KCNQ3: variants seen among roughly 807,000 people sequenced by gnomAD.
KCNQ3 encodes potassium voltage-gated channel subfamily Q member 3, also known as potassium voltage-gated channel subfamily KQT member 3.
KCNQ3 carries 30 observed loss-of-function variants against 92.5 expected under a neutral mutation model. The observed-to-expected ratio is 0.32, with a 90% CI of 0.24 to 0.44. The LOEUF is 0.44. Ranked by LOEUF, KCNQ3 falls within the 20% of genes least tolerant of loss-of-function variation. The pLI is 1.00. For synonymous variants in KCNQ3, 450 were observed against 468.8 expected, an observed-to-expected ratio of 0.96 and a Z score of 0.52; for missense variants, 913 against 1,140.3, an observed-to-expected ratio of 0.80 and a Z score of 2.87.
At chr8:132,194,164 A>G (rs1046620160) in intron 1 of KCNQ3, among the ~76,000 whole-genome samples, 2 of 152,214 alleles carry the variant, frequency 1.3e-5, no homozygotes, top group African/African-American at 4.8e-5. Flanking sequence ...AGCGATGCAT[A>G]GAAACATTTT....
At chr8:132,423,585 T>G (rs1249349219) in intron 1 of KCNQ3, among the ~76,000 whole-genome samples, 2 of 152,160 alleles carry the variant, frequency 1.3e-5, no homozygotes, top group Non-Finnish European at 2.9e-5. Flanking sequence ...ACTAACAGCT[T>G]CTATCTCACA....
chr8:132,132,031 T>G lies in KCNQ3; in HGVS notation c.1884+149A>C, dbSNP rs985547655. 3 of 639,272 alleles carry G rather than the reference T, an allele frequency of 4.7e-6. No homozygotes were observed. In the Admixed American group the frequency reaches 7.5e-5, roughly 16 times the overall value. 39.6% of individuals were successfully genotyped at this position (639,272 alleles called of 1,614,324 possible). ...TGAACCTGGGAGGCAGAGGTTGCAG[T>G]GAGTCAAGATCGCGCCATTGCACTC... On this transcript the variant is annotated intron_variant, in intron 14 of 14. Coordinates refer to ENST00000388996, the MANE Select transcript of KCNQ3 (RefSeq NM_004519.4).
intron 1 of KCNQ3, among the ~76,000 whole-genome samples, chr8:132,333,105 G>T (rs1818274806): frequency 6.6e-6 from 1 of 152,180 alleles, no homozygotes; most frequent in African/African-American, 2.4e-5. Flanking sequence ...AGTAGACAGG[G>T]TTCCATTGGC....
chr8:132,278,437 T>A (rs745522395), intron 1 of KCNQ3, among the ~76,000 whole-genome samples: 2 of 152,226 alleles, frequency 1.3e-5, no homozygotes, highest in South Asian at 2.1e-4. Flanking sequence ...AGCAGCTTCC[T>A]ATGGGCTAGT....
At chr8:132,477,038 T>C (rs1012950134) in intron 1 of KCNQ3, among the ~76,000 whole-genome samples, 1 of 152,156 alleles carries the variant, frequency 6.6e-6, no homozygotes, top group Non-Finnish European at 1.5e-5. Flanking sequence ...CCCTTTGTTC[T>C]CTTTTTCCTG....
chr8:132,286,235 T>C (rs1484565168), intron 1 of KCNQ3, among the ~76,000 whole-genome samples: 1 of 152,166 alleles, frequency 6.6e-6, no homozygotes, highest in East Asian at 1.9e-4. Context: ...GACACCAGGA[T>C]GTAACTCTAC....
chr8:132,131,113 A>G (rs1824864165), intron 14 of KCNQ3, among the ~76,000 whole-genome samples: 1 of 152,212 alleles, frequency 6.6e-6, no homozygotes, highest in Admixed American at 6.5e-5. Context: ...TATTATCTCT[A>G]TTTCACAGGC....
intron 1 of KCNQ3, among the ~76,000 whole-genome samples, chr8:132,257,751 A>T (rs1263472307): frequency 1.3e-5 from 2 of 148,982 alleles, no homozygotes; most frequent in Non-Finnish European, 3.0e-5. Context: ...AGCTCAAAAA[A>T]AAAAAAAAAA....
At chr8:132,338,964 G>A (rs1046146094) in intron 1 of KCNQ3, among the ~76,000 whole-genome samples, 1 of 152,222 alleles carries the variant, frequency 6.6e-6, no homozygotes, top group African/African-American at 2.4e-5. Flanking sequence ...GGAGAAACCA[G>A]TGTTGAGAAT....
At chr8:132,434,164 C>T (rs1230188586) in intron 1 of KCNQ3, among the ~76,000 whole-genome samples, 3 of 147,670 alleles carry the variant, frequency 2.0e-5, no homozygotes, top group Non-Finnish European at 4.5e-5. Context: ...GCCGAGATCC[C>T]GCCACTGCAC....
At chr8:132,163,545 T>G in intron 8 of KCNQ3, 51 bp from the exon 9 acceptor site, 1 of 1,434,124 alleles carries the variant, frequency 7.0e-7, no homozygotes, top group Non-Finnish European at 9.8e-7. Context: ...GTGAAACAGC[T>G]GTATCCTTCC....
chr8:132,435,108 G>A (rs956525504), intron 1 of KCNQ3, among the ~76,000 whole-genome samples: 1 of 152,130 alleles, frequency 6.6e-6, no homozygotes. Context: ...GCCTGGGTGG[G>A]GGACAGCAGC....
intron 9 of KCNQ3, among the ~76,000 whole-genome samples, chr8:132,145,853 C>G (rs191969678): frequency 3.6e-4 from 55 of 152,200 alleles, no homozygotes; most frequent in African/African-American, 1.3e-3. Flanking sequence ...GATGGTGGTC[C>G]GGAGACAGAA....
intron 1 of KCNQ3, among the ~76,000 whole-genome samples, chr8:132,462,312 C>G (rs1365708866): frequency 3.3e-5 from 5 of 152,104 alleles, no homozygotes; most frequent in African/African-American, 1.2e-4. Context: ...GCCTCAGCCA[C>G]TCGAGTAGCT....
intron 1 of KCNQ3, among the ~76,000 whole-genome samples, chr8:132,299,045 A>C (rs372230864): frequency 6.6e-6 from 1 of 151,942 alleles, no homozygotes; most frequent in East Asian, 1.9e-4. Context: ...TTATTCTGCT[A>C]TTTAGATAAC....
chr8:132,315,323 T>G (rs1817711026), intron 1 of KCNQ3, among the ~76,000 whole-genome samples: 1 of 151,132 alleles, frequency 6.6e-6, no homozygotes, highest in South Asian at 2.1e-4. Flanking sequence ...GAGGGTGAGG[T>G]GTGAGAAGAG....
intron 1 of KCNQ3, among the ~76,000 whole-genome samples, chr8:132,319,420 T>C (rs1817838044): frequency 1.3e-5 from 2 of 152,176 alleles, no homozygotes; most frequent in Non-Finnish European, 2.9e-5. Context: ...TTATTCTTCT[T>C]GTCTTCCAGC....
intron 7 of KCNQ3, 58 bp downstream of exon 7, chr8:132,172,540 C>A: frequency 7.1e-7 from 1 of 1,417,980 alleles, no homozygotes; most frequent in Non-Finnish European, 1.0e-6. Flanking sequence ...CACACACACA[C>A]GTATGTACAT....
chr8:132,244,744 T>C (rs1815107006), intron 1 of KCNQ3, among the ~76,000 whole-genome samples: 1 of 152,170 alleles, frequency 6.6e-6, no homozygotes, highest in Admixed American at 6.6e-5. Context: ...TGATGTCCTC[T>C]CTGCTCCCTT....
Sources: gnomAD v4.1 joint callset for allele counts (sites outside exome capture counted in the v4.1 genomes callset) on GRCh38, gnomAD v4.1.1 for gene constraint, MANE v1.5 for transcripts, NCBI Gene and HGNC (gene_info 2026-07-23, HGNC 2026-07-21) for gene names.